STIM1: variants seen among roughly 807,000 people sequenced by gnomAD.
The protein encoded by STIM1 is stromal interaction molecule 1.
Under a neutral mutation model 74.7 loss-of-function variants are expected in STIM1, and 25 were observed. The observed-to-expected ratio is 0.33, with a 90% CI of 0.24 to 0.47. The LOEUF (loss-of-function observed/expected upper bound fraction) is 0.47, where lower values mean the gene tolerates loss of function less well. Ranked by LOEUF, STIM1 falls within the 20% of genes least tolerant of loss-of-function variation. STIM1 has a pLI of 1.00. For synonymous variants in STIM1, 328 were observed against 348.8 expected, an observed-to-expected ratio of 0.94 and a Z score of 0.66; for missense variants, 728 against 920.8, an observed-to-expected ratio of 0.79 and a Z score of 2.71.
At chr11:3,958,454 T>A (rs1455764764) in intron 1 of STIM1, among the ~76,000 whole-genome samples, 1 of 152,202 alleles carries the variant, frequency 6.6e-6, no homozygotes, top group Non-Finnish European at 1.5e-5. Context: ...TTTGAATTCC[T>A]GCCCCCTGCT....
rs146126071 is a variant in STIM1 at position 3,967,646 on chromosome 11, T to C, written c.234T>C (p.Asp78=). The C allele has an allele frequency of 1.3e-4, 204 of 1,614,232 alleles. 1 individual carries two copies. In the African/African-American group the frequency reaches 2.3e-3, roughly 18 times the overall value. The change falls in exon 2 of 13, where the codon GAT becomes GAC. Residue 78 remains aspartate, a synonymous_variant. Coordinates refer to ENST00000526596, the MANE Select transcript of STIM1 (RefSeq NM_001382567.1). ...ACATCCACAAACTGATGGACGATGA[T>C]GCCAATGGTGATGTGGATGTGGAAG... ...VRNIHKLMDD[D]ANGDVDVEES...
chr11:3,920,558 G>A (rs915464747), intron 1 of STIM1, among the ~76,000 whole-genome samples: 19 of 152,002 alleles, frequency 1.2e-4, no homozygotes, highest in African/African-American at 4.3e-4. Context: ...CCTACCAACT[G>A]GTCATTTTCT....
At chr11:3,895,995 C>G (rs1161845402) in intron 1 of STIM1, among the ~76,000 whole-genome samples, 3 of 150,852 alleles carry the variant, frequency 2.0e-5, no homozygotes, top group African/African-American at 7.3e-5. Context: ...AGCTCCGCCT[C>G]CCGGGTTCAC....
chr11:3,950,471 A>G (rs1164805951), intron 1 of STIM1, among the ~76,000 whole-genome samples: 1 of 152,102 alleles, frequency 6.6e-6, no homozygotes, highest in Non-Finnish European at 1.5e-5. Context: ...ACCATTGTAC[A>G]TAAGTACTGG....
intron 1 of STIM1, among the ~76,000 whole-genome samples, chr11:3,951,258 A>G (rs2093144266): frequency 6.6e-6 from 1 of 152,242 alleles, no homozygotes; most frequent in Admixed American, 6.5e-5. Context: ...GAAGAGAGTC[A>G]GAACCTGGTT....
At chr11:3,947,853 A>G (rs866697374) in intron 1 of STIM1, 12 of 152,148 alleles carry the variant, frequency 7.9e-5, no homozygotes, top group Admixed American at 2.0e-4. Context: ...CAGTTTTCTC[A>G]TTTTTTATTG....
chr11:3,895,881 C>CT lies in STIM1; in HGVS notation c.139+39475dup, dbSNP rs767063197. ...TCTCTCTCTCTCTTTCTTTTCTTTTCTTTCTTTTCTTTCTTTCTTTCTTTC... is the reference window on the plus strand; with the variant it reads ...TCTCTCTCTCTCTTTCTTTTCTTTTCTTTTCTTTTCTTTCTTTCTTTCTTTC... On this transcript the variant is annotated intron_variant, in intron 1 of 12. Transcript: ENST00000526596. 3.0e-4 allele frequency among the ~76,000 whole-genome samples: 32 copies of CT among 107,734 alleles called. 1 individual carries two copies. Among genetic ancestry groups the CT allele is most frequent in the African/African-American group, 6.5e-4 (19 of 29,106 alleles). The allele number at this position is 107,734 out of a possible 152,430, so 70.7% of individuals were successfully genotyped here.
chr11:4,003,897 A>T (rs1388729143), intron 2 of STIM1, among the ~76,000 whole-genome samples: 1 of 152,218 alleles, frequency 6.6e-6, no homozygotes. Flanking sequence ...AAGTCTCAGG[A>T]TAAAAAAAAT....
In STIM1 at chr11:4,091,550, C is replaced by T. The variant is rs774545394; in HGVS notation, c.1903C>T (p.Pro635Ser). ...HSLMELSPSA[P>S]PGGSPHLDSS... Reference sequence around the variant, plus strand: ...CCTGATGGAGCTGAGCCCCTCAGCCCCACCTGGTGGCTCTCCACATTTGGA... The same window carrying T: ...CCTGATGGAGCTGAGCCCCTCAGCCTCACCTGGTGGCTCTCCACATTTGGA... Residue 635 changes from proline (P) to serine (S), a missense_variant, in exon 13 of 13, where the codon CCA becomes TCA. By Grantham distance (74) the Pro-to-Ser change is moderately conservative. Coordinates refer to ENST00000526596, the MANE Select transcript of STIM1 (RefSeq NM_001382567.1). The T allele has an allele frequency of 1.2e-6, 2 of 1,614,196 alleles. No individual in the cohort carries two copies. The highest frequency in any genetic ancestry group is 1.7e-5 in the Admixed American group (1 of 60,022).
intron 2 of STIM1, among the ~76,000 whole-genome samples, chr11:3,996,312 C>T (rs1565141494): frequency 6.6e-6 from 1 of 152,118 alleles, no homozygotes; most frequent in Non-Finnish European, 1.5e-5. Flanking sequence ...TTTCTTCTCC[C>T]AGAGTGTAAT....
At chr11:4,050,800 T>G (rs1396328670) in intron 3 of STIM1, among the ~76,000 whole-genome samples, 1 of 152,210 alleles carries the variant, frequency 6.6e-6, no homozygotes, top group Non-Finnish European at 1.5e-5. Flanking sequence ...AAACAGCCTA[T>G]TAACACATAT....
At chr11:4,067,274 G>A (rs997835903) in intron 5 of STIM1, among the ~76,000 whole-genome samples, 3 of 152,212 alleles carry the variant, frequency 2.0e-5, no homozygotes, top group Non-Finnish European at 4.4e-5. Context: ...CCAACACATA[G>A]TGTGGGATGC....
chr11:3,873,350 G>A (rs768925567), intron 1 of STIM1, among the ~76,000 whole-genome samples: 46 of 149,944 alleles, frequency 3.1e-4, no homozygotes, highest in Admixed American at 1.0e-3. Flanking sequence ...CCCGGGAGGC[G>A]TAGGTTGCAG....
chr11:4,047,351 C>A (rs922089060), intron 3 of STIM1, among the ~76,000 whole-genome samples: 1 of 152,074 alleles, frequency 6.6e-6, no homozygotes, highest in African/African-American at 2.4e-5. Context: ...CACAGTAGCT[C>A]ACGTCTGTAA....
At position 3,941,879 on chromosome 11, in the gene STIM1, C is replaced by G. The variant is rs557702864; in HGVS notation, c.140-25673C>G. Among the ~76,000 whole-genome samples, 5 of 151,792 alleles carry G rather than the reference C, an allele frequency of 3.3e-5. No homozygotes were observed. The East Asian group carries it at 7.8e-4, about 24-fold the overall frequency. On this transcript the variant is annotated intron_variant, in intron 1 of 12. Coordinates refer to ENST00000526596, the MANE Select transcript of STIM1 (RefSeq NM_001382567.1). ...TTTTTTATTTTTGTAGAGAGAGGGT[C>G]TTATGTTGTTGTACAGACTGGTCTT...
chr11:4,000,251 G>T (rs2093701661), intron 2 of STIM1, among the ~76,000 whole-genome samples: 1 of 106,752 alleles, frequency 9.4e-6, no homozygotes, highest in Non-Finnish European at 2.1e-5. Flanking sequence ...CCAGCATGCA[G>T]CTGCAGATCT....
At chr11:3,977,684 C>T (rs766376433) in intron 2 of STIM1, among the ~76,000 whole-genome samples, 2 of 152,114 alleles carry the variant, frequency 1.3e-5, no homozygotes, top group Non-Finnish European at 2.9e-5. Context: ...TGCAAACAAG[C>T]CTGTATTCAA....
chr11:3,856,512 TGGA>T, intron 1 of STIM1, 103 bp downstream of exon 1: 2 of 1,424,484 alleles, frequency 1.4e-6, no homozygotes, highest in South Asian at 2.7e-5. Flanking sequence ...GTGAGGTTCA[TGGA>T]GGATTCACAC....
intron 2 of STIM1, chr11:3,989,061 T>C (rs1290647040): frequency 3.2e-6 from 4 of 1,256,008 alleles, no homozygotes; most frequent in Non-Finnish European, 4.4e-6. Context: ...CTAGAGCTAC[T>C]AAAAAACTTG....
Sources: allele counts gnomAD v4.1 joint callset (sites outside exome capture counted in the v4.1 genomes callset), GRCh38; gene constraint gnomAD v4.1.1; transcripts MANE v1.5; gene names NCBI Gene and HGNC (gene_info 2026-07-23, HGNC 2026-07-21).